ADK: variants seen among roughly 807,000 people sequenced by gnomAD.
ADK encodes the protein adenosine kinase, also known as N6,N6-dimethyladenosine kinase.
Under a neutral mutation model 44.7 loss-of-function variants are expected in ADK, and 24 were observed. The observed-to-expected ratio is 0.54, with a 90% CI of 0.39 to 0.76. ADK has a LOEUF of 0.76. Among genes scored for constraint, ADK ranks in the 30% least tolerant of loss-of-function variants. The pLI is 0.00. For missense variants in ADK, 321 were observed against 425.1 expected, an observed-to-expected ratio of 0.76 and a Z score of 2.15; for synonymous variants, 128 against 142.6, an observed-to-expected ratio of 0.90 and a Z score of 0.73.
chr10:74,364,523 ACT>A (rs1222663664), intron 4 of ADK, among the ~76,000 whole-genome samples: 5 of 151,512 alleles, frequency 3.3e-5, no homozygotes, highest in African/African-American at 1.2e-4. Flanking sequence ...CCTTACCATA[ACT>A]CTGAAACTTT....
intron 4 of ADK, among the ~76,000 whole-genome samples, chr10:74,344,089 T>C (rs1241622248): frequency 6.6e-6 from 1 of 152,244 alleles, no homozygotes; most frequent in Non-Finnish European, 1.5e-5. Flanking sequence ...TTGCTAGTAT[T>C]TTGTTGAGGA....
At position 74,463,766 on chromosome 10, in the gene ADK, G is replaced by A. The variant is rs139454384; in HGVS notation, c.556-61490G>A. On this transcript the variant is annotated intron_variant, in intron 6 of 10. Transcript: ENST00000539909. The stretch of plus-strand genomic sequence containing the variant: ...CAAACTTGTCTTGTGCAGATTCGTC[G>A]TCTTTACCACCAAATTTTTGTCATG... Among the ~76,000 whole-genome samples, 32 of 152,110 alleles carry A rather than the reference G, an allele frequency of 2.1e-4. No individual in the cohort carries two copies. The East Asian group carries it at 5.8e-3, about 28-fold the overall frequency.
chr10:74,277,947 A>G (rs924359880), intron 3 of ADK, among the ~76,000 whole-genome samples: 7 of 152,280 alleles, frequency 4.6e-5, no homozygotes, highest in Non-Finnish European at 8.8e-5. Flanking sequence ...CATATATTCC[A>G]TATATCATTA....
chr10:74,389,309 G>T (rs1843259112), intron 4 of ADK, among the ~76,000 whole-genome samples: 1 of 152,066 alleles, frequency 6.6e-6, no homozygotes, highest in South Asian at 2.1e-4. Flanking sequence ...TTTGTATTAG[G>T]AACATCATCA....
chr10:74,473,589 T>C (rs568291300), intron 6 of ADK, among the ~76,000 whole-genome samples: 1 of 152,294 alleles, frequency 6.6e-6, no homozygotes, highest in East Asian at 1.9e-4. Flanking sequence ...TCAATTTGAG[T>C]TTATCTGTTG....
intron 6 of ADK, among the ~76,000 whole-genome samples, chr10:74,422,446 T>A (rs1341380263): frequency 6.6e-6 from 1 of 152,186 alleles, no homozygotes; most frequent in African/African-American, 2.4e-5. Context: ...TAAAAACTGG[T>A]GAAATCTAAA....
At chr10:74,271,413 T>C (rs570639299) in intron 3 of ADK, among the ~76,000 whole-genome samples, 1 of 152,132 alleles carries the variant, frequency 6.6e-6, no homozygotes, top group East Asian at 1.9e-4. Flanking sequence ...GTTGTTGTTT[T>C]TTCTTATTAT....
chr10:74,209,070 T>C (rs1317689013), intron 2 of ADK, among the ~76,000 whole-genome samples: 1 of 152,194 alleles, frequency 6.6e-6, no homozygotes, highest in East Asian at 1.9e-4. Context: ...GTTTGAATGA[T>C]GGTATCCTCT....
intron 6 of ADK, among the ~76,000 whole-genome samples, chr10:74,416,570 G>GT (rs5786146): frequency 0.64 from 93,409 of 147,100 alleles, 30,923 homozygotes; most frequent in Middle Eastern, 0.78. Flanking sequence ...TTTTGTTTCT[G>GT]TTTTTTTTTT....
At chr10:74,213,284 A>T (rs896388520) in intron 2 of ADK, among the ~76,000 whole-genome samples, 1 of 152,112 alleles carries the variant, frequency 6.6e-6, no homozygotes, top group East Asian at 1.9e-4. Context: ...ATTAAAAAAA[A>T]ATTTGTTTTT....
At chr10:74,498,940 A>C (rs1363460640) in intron 6 of ADK, among the ~76,000 whole-genome samples, 1 of 152,262 alleles carries the variant, frequency 6.6e-6, no homozygotes, top group Non-Finnish European at 1.5e-5. Flanking sequence ...CATCATTCTC[A>C]GTAAACTATC....
chr10:74,690,980 C>T (rs1184793004), intron 10 of ADK, among the ~76,000 whole-genome samples: 1 of 152,206 alleles, frequency 6.6e-6, no homozygotes, highest in Non-Finnish European at 1.5e-5. Context: ...GTCTAGTAAA[C>T]TGAGGATTCA....
At chr10:74,643,689 T>A (rs1360589603) in intron 9 of ADK, among the ~76,000 whole-genome samples, 1 of 152,194 alleles carries the variant, frequency 6.6e-6, no homozygotes, top group East Asian at 1.9e-4. Flanking sequence ...GGGTGATATG[T>A]TGTATTTGCA....
chr10:74,567,847 T>A (rs1402706477), intron 7 of ADK, among the ~76,000 whole-genome samples: 1 of 151,920 alleles, frequency 6.6e-6, no homozygotes, highest in Non-Finnish European at 1.5e-5. Context: ...TACAGGCGCC[T>A]GCCACCACGC....
At chr10:74,544,339 A>G (rs994716397) in intron 7 of ADK, among the ~76,000 whole-genome samples, 2 of 152,220 alleles carry the variant, frequency 1.3e-5, no homozygotes, top group African/African-American at 2.4e-5. Flanking sequence ...CATCAGCATA[A>G]CAAAGGCACT....
At chr10:74,152,858 C>G (rs1235729331) in intron 1 of ADK, among the ~76,000 whole-genome samples, 1 of 152,196 alleles carries the variant, frequency 6.6e-6, no homozygotes, top group Non-Finnish European at 1.5e-5. Context: ...CCTTAGGCAA[C>G]TAAAATTCAC....
At chr10:74,380,483 C>T (rs895017863) in intron 4 of ADK, among the ~76,000 whole-genome samples, 1 of 151,996 alleles carries the variant, frequency 6.6e-6, no homozygotes, top group Non-Finnish European at 1.5e-5. Flanking sequence ...CTTCTCCGGG[C>T]GCAGTGGCTC....
chr10:74,157,663 G>T (rs989677616), intron 1 of ADK, among the ~76,000 whole-genome samples: 1 of 150,520 alleles, frequency 6.6e-6, no homozygotes, highest in Non-Finnish European at 1.5e-5. Flanking sequence ...CAGATCACCT[G>T]AGGTTGGGAA....
At chr10:74,159,599 T>G (rs1841837199) in intron 1 of ADK, among the ~76,000 whole-genome samples, 1 of 149,696 alleles carries the variant, frequency 6.7e-6, no homozygotes, top group South Asian at 2.1e-4. Context: ...TCCATCTAAT[T>G]TTTTTTTTTT....
Sources: gnomAD v4.1 joint callset for allele counts (sites outside exome capture counted in the v4.1 genomes callset) on GRCh38, gnomAD v4.1.1 for gene constraint, MANE v1.5 for transcripts, NCBI Gene and HGNC (gene_info 2026-07-23, HGNC 2026-07-21) for gene names.